The following ANAPC10 variants were observed in gnomAD, a reference collection of about 807,000 sequenced individuals.
ANAPC10 encodes the protein anaphase-promoting complex subunit 10.
Under a neutral mutation model 22.0 loss-of-function variants are expected in ANAPC10, and 12 were observed. That is an observed-to-expected ratio of 0.55 (90% CI 0.35 to 0.88). The LOEUF is 0.88. Ranked by LOEUF, ANAPC10 falls within the 40% of genes least tolerant of loss-of-function variation. The pLI is 0.01. For missense variants in ANAPC10, 188 were observed against 220.9 expected (o/e 0.85, Z 0.94); for synonymous variants, 65 against 69.5 (o/e 0.94, Z 0.32).
intron 2 of ANAPC10, among the ~76,000 whole-genome samples, chr4:145,081,995 C>T (rs1746099318): frequency 1.3e-5 from 2 of 152,152 alleles, no homozygotes; most frequent in Middle Eastern, 3.2e-3. Context: ...CAGGCATAAG[C>T]CATAGCACCC....
chr4:145,081,010 C>T (rs1745933587), intron 3 of ANAPC10, among the ~76,000 whole-genome samples: 1 of 151,696 alleles, frequency 6.6e-6, no homozygotes, highest in South Asian at 2.1e-4. Context: ...GTGGTTCATG[C>T]CTGGAACCCC....
chr4:145,012,188 A>ATT (rs1734446837), intron 4 of ANAPC10, among the ~76,000 whole-genome samples: 1 of 148,150 alleles, frequency 6.7e-6, no homozygotes, highest in Non-Finnish European at 1.5e-5. Flanking sequence ...ATATATATAT[A>ATT]TATATATACA....
At chr4:145,055,645 G>A (rs1579057074) in intron 4 of ANAPC10, among the ~76,000 whole-genome samples, 1 of 152,010 alleles carries the variant, frequency 6.6e-6, no homozygotes, top group South Asian at 2.1e-4. Context: ...GCTAAGTGAA[G>A]TAAGCTAGTC....
intron 4 of ANAPC10, among the ~76,000 whole-genome samples, chr4:145,039,204 T>C (rs1486558299): frequency 6.6e-6 from 1 of 152,162 alleles, no homozygotes; most frequent in East Asian, 1.9e-4. Context: ...AATGAGGAAG[T>C]GGAAAATGTG....
At chr4:145,006,457 A>G (rs1468908255) in intron 4 of ANAPC10, among the ~76,000 whole-genome samples, 1 of 152,126 alleles carries the variant, frequency 6.6e-6, no homozygotes, top group African/African-American at 2.4e-5. Context: ...AGCAATGAAT[A>G]AAAGAATGTA....
chr4:145,003,042 C>A (rs1021073227), intron 4 of ANAPC10, among the ~76,000 whole-genome samples: 1 of 152,238 alleles, frequency 6.6e-6, no homozygotes, highest in African/African-American at 2.4e-5. Flanking sequence ...AAAGTCCCAG[C>A]CACTATTGTT....
intron 3 of ANAPC10, among the ~76,000 whole-genome samples, chr4:145,078,234 A>C (rs1024840963): frequency 6.6e-6 from 1 of 152,078 alleles, no homozygotes; most frequent in African/African-American, 2.4e-5. Context: ...AATAACATAC[A>C]AGCTAAGTGC....
At chr4:145,019,510 G>A (rs966696321) in intron 4 of ANAPC10, among the ~76,000 whole-genome samples, 1 of 151,986 alleles carries the variant, frequency 6.6e-6, no homozygotes, top group African/African-American at 2.4e-5. Context: ...AGCACAAACT[G>A]ACACTCAAAG....
intron 4 of ANAPC10, among the ~76,000 whole-genome samples, chr4:144,996,514 A>T (rs1731635229): frequency 6.6e-6 from 1 of 152,278 alleles, no homozygotes; most frequent in African/African-American, 2.4e-5. Context: ...TGAGACAGAA[A>T]TGAGAAGACC....
chr4:145,083,094 C>T (rs114598384), intron 2 of ANAPC10, among the ~76,000 whole-genome samples: 184 of 152,168 alleles, frequency 1.2e-3, no homozygotes, highest in African/African-American at 4.3e-3. Context: ...TTTAATTTTA[C>T]TTAACATATC....
intron 4 of ANAPC10, among the ~76,000 whole-genome samples, chr4:145,027,018 TTTTG>T (rs1736862470): frequency 1.3e-5 from 1 of 77,270 alleles, no homozygotes; most frequent in South Asian, 5.2e-4. Flanking sequence ...TTTTTTTTTT[TTTTG>T]AGACAGAGTC....
At chr4:145,018,914 T>C (rs113984720) in intron 4 of ANAPC10, among the ~76,000 whole-genome samples, 3 of 152,094 alleles carry the variant, frequency 2.0e-5, no homozygotes, top group Admixed American at 6.6e-5. Flanking sequence ...CCTAAACATA[T>C]ATGCACATAA....
intron 4 of ANAPC10, among the ~76,000 whole-genome samples, chr4:145,038,533 A>G (rs1222952291): frequency 6.6e-6 from 1 of 151,772 alleles, no homozygotes; most frequent in Non-Finnish European, 1.5e-5. Context: ...AAGAAGAAAA[A>G]AGCTAAGGCA....
At chr4:145,058,301 A>G (rs1443253226) in intron 4 of ANAPC10, among the ~76,000 whole-genome samples, 1 of 152,142 alleles carries the variant, frequency 6.6e-6, no homozygotes, top group East Asian at 1.9e-4. Context: ...TGACCCTGCT[A>G]GAATGCCTCC....
At chr4:145,018,821 G>A (rs930788349) in intron 4 of ANAPC10, among the ~76,000 whole-genome samples, 2 of 151,968 alleles carry the variant, frequency 1.3e-5, no homozygotes, top group Admixed American at 6.6e-5. Context: ...CAAAACAAAC[G>A]TTAAAGCAAT....
intron 3 of ANAPC10, among the ~76,000 whole-genome samples, chr4:145,075,247 C>T (rs1164378576): frequency 1.3e-5 from 2 of 152,158 alleles, no homozygotes; most frequent in Admixed American, 1.3e-4. Flanking sequence ...ACACTTCTGG[C>T]TTTGTCCTCC....
chr4:144,999,140 A>C (rs1332862417), intron 4 of ANAPC10: 1 of 152,252 alleles, frequency 6.6e-6, no homozygotes, highest in Admixed American at 6.5e-5. Flanking sequence ...TACCAACCAA[A>C]ACAAGTCTAG....
chr4:145,056,004 GC>G (rs1359953839), intron 4 of ANAPC10, among the ~76,000 whole-genome samples: 1 of 152,158 alleles, frequency 6.6e-6, no homozygotes, highest in Non-Finnish European at 1.5e-5. Context: ...AACTACACAA[GC>G]ATGGGTCAAT....
Position 145,006,663 on chromosome 4 carries a change from T to C in ANAPC10, c.328-11060A>G, listed in dbSNP as rs1008549474. Among the ~76,000 whole-genome samples the C allele has an allele frequency of 5.9e-5, 9 of 152,194 alleles. No individual in the cohort carries two copies. The South Asian group carries it at 6.2e-4, about 10-fold the overall frequency. Reference sequence around the variant, plus strand: ...TAATTTTATTTCTGTATAATTGTTATACTTTCCTCAGAAATTTAAGATAGT... The same window carrying C: ...TAATTTTATTTCTGTATAATTGTTACACTTTCCTCAGAAATTTAAGATAGT... On this transcript the variant is annotated intron_variant, in intron 4 of 4. Transcript: ENST00000507656.
Sources: allele counts gnomAD v4.1 joint callset (sites outside exome capture counted in the v4.1 genomes callset), GRCh38; gene constraint gnomAD v4.1.1; transcripts MANE v1.5; gene names NCBI Gene and HGNC (gene_info 2026-07-23, HGNC 2026-07-21).